FAT3: variants seen among roughly 807,000 people sequenced by gnomAD.
FAT3 encodes the protein FAT atypical cadherin 3.
FAT3 carries 95 observed loss-of-function variants against 310.2 expected under a neutral mutation model. The observed-to-expected ratio is 0.31, with a 90% CI of 0.26 to 0.36. FAT3 has a LOEUF of 0.36. Ranked by LOEUF, FAT3 falls within the 10% of genes least tolerant of loss-of-function variation. The pLI, the probability that FAT3 is intolerant of heterozygous loss-of-function variation, is 1.00. For synonymous variants in FAT3, 2,314 were observed against 2,192.9 expected, an observed-to-expected ratio of 1.06 and a Z score of -1.54; for missense variants, 5,408 against 5,715.6, an observed-to-expected ratio of 0.95 and a Z score of 1.74.
Position 92,528,711 on chromosome 11 carries a change from TGGCCCTCATTGGTCATCCA to T in FAT3, c.3607+3767_3607+3785del, listed in dbSNP as rs1953964926. ...CCAGTTCTTTTGAGGGAGTCCAGGGTGGCCCTCATTGGTCATCCAGGCTGAAGTGGGGAGCAGGGGTGGA... is the reference window on the plus strand; with the variant it reads ...CCAGTTCTTTTGAGGGAGTCCAGGGTGGCTGAAGTGGGGAGCAGGGGTGGA... On this transcript the variant is annotated intron_variant, in intron 3 of 27. Transcript: ENST00000525166. Among the ~76,000 whole-genome samples the T allele has an allele frequency of 2.0e-5, 3 of 152,224 alleles. No homozygotes were observed. The South Asian group carries it at 6.2e-4, about 32-fold the overall frequency.
At chr11:92,266,682 C>T (rs1198650824) in intron 1 of FAT3, among the ~76,000 whole-genome samples, 2 of 152,146 alleles carry the variant, frequency 1.3e-5, no homozygotes, top group African/African-American at 2.4e-5. Flanking sequence ...GTAGCAAGCT[C>T]TCTGCTCAGG....
chr11:92,613,224 G>A (rs1399592884), intron 3 of FAT3, among the ~76,000 whole-genome samples: 1 of 152,058 alleles, frequency 6.6e-6, no homozygotes, highest in Non-Finnish European at 1.5e-5. Flanking sequence ...AGAAGACTTT[G>A]GAACTCACCA....
chr11:92,505,932 G>A (rs1208223697), intron 2 of FAT3, among the ~76,000 whole-genome samples: 3 of 152,048 alleles, frequency 2.0e-5, no homozygotes, highest in African/African-American at 7.2e-5. Context: ...TGCCCTGGGG[G>A]ATATTACAGT....
chr11:92,469,489 T>C (rs1299680795), intron 2 of FAT3, among the ~76,000 whole-genome samples: 1 of 152,096 alleles, frequency 6.6e-6, no homozygotes, highest in East Asian at 1.9e-4. Context: ...ATCCTTCTTT[T>C]AAAGCTTATT....
chr11:92,402,608 C>T (rs914111019), intron 2 of FAT3, among the ~76,000 whole-genome samples: 2 of 151,350 alleles, frequency 1.3e-5, no homozygotes, highest in Non-Finnish European at 2.9e-5. Flanking sequence ...TGATGCGTGC[C>T]TGTAGTCCCA....
At position 92,801,587 on chromosome 11, in the gene FAT3, G is replaced by A; in HGVS notation, c.8574G>A (p.Gln2858=). 1.2e-6 allele frequency: 2 copies of A among 1,610,936 alleles called. No homozygotes were observed. Among genetic ancestry groups the A allele is most frequent in the Non-Finnish European group, 1.7e-6 (2 of 1,178,424 alleles). Residue 2858 remains glutamine, a synonymous_variant, in exon 10 of 28, where the codon CAG becomes CAA. Coordinates refer to ENST00000525166, the MANE Select transcript of FAT3 (RefSeq NM_001367949.2). ...QVTYSLHSDS[Q]PEKVMEAFNI... The stretch of plus-strand genomic sequence containing the variant: ...CTTACTCCCTCCACTCGGATTCCCA[G>A]CCCGAAAAGGTAATGGAAGCATTCA...
chr11:92,560,447 AG>A (rs751552299), intron 3 of FAT3, among the ~76,000 whole-genome samples: 51 of 151,370 alleles, frequency 3.4e-4, no homozygotes, highest in Middle Eastern at 3.4e-3. Flanking sequence ...AATAAAGTCT[AG>A]GTTTTTTTTT....
intron 3 of FAT3, among the ~76,000 whole-genome samples, chr11:92,607,925 C>T (rs1940380210): frequency 6.6e-6 from 1 of 152,106 alleles, no homozygotes; most frequent in African/African-American, 2.4e-5. Flanking sequence ...AGACTTTGAG[C>T]TGGCATCTAT....
intron 22 of FAT3, among the ~76,000 whole-genome samples, chr11:92,878,365 A>G (rs752578575): frequency 5.3e-5 from 8 of 152,118 alleles, no homozygotes; most frequent in Non-Finnish European, 1.2e-4. Context: ...AGCTAAAAAT[A>G]GAAATAAATA....
Position 92,835,021 on chromosome 11 carries a change from C to A in FAT3, c.10023C>A (p.Phe3341Leu). ...LTDVNDNPPK[F>L]SQDVYSAVIS... ...ATGTTAATGACAACCCTCCCAAGTT[C>A]AGCCAAGACGTCTACAGTGCGGTTA... is the stretch of plus-strand genomic sequence containing the variant. The change falls in exon 15 of 28, where the codon TTC (phenylalanine) becomes TTA (leucine). Residue 3341 changes from phenylalanine (F) to leucine (L), a missense_variant. Physicochemically the swap from Phe to Leu is conservative, Grantham distance 22. Around this residue, in one of 5 missense-constraint regions of FAT3, gnomAD observed 4,588 missense variants for 4,809.8 expected, o/e 0.95. Transcript: ENST00000525166. 6.2e-7 allele frequency: 1 copy of A among 1,613,742 alleles called. No individual in the cohort carries two copies. Among genetic ancestry groups the A allele is most frequent in the Non-Finnish European group, 8.5e-7 (1 of 1,179,792 alleles).
intron 3 of FAT3, among the ~76,000 whole-genome samples, chr11:92,696,076 G>C (rs1281541941): frequency 6.6e-6 from 1 of 151,728 alleles, no homozygotes; most frequent in East Asian, 1.9e-4. Context: ...ATTTCACATG[G>C]TATGCTTGAA....
At chr11:92,618,631 A>G (rs1032136568) in intron 3 of FAT3, among the ~76,000 whole-genome samples, 1 of 152,082 alleles carries the variant, frequency 6.6e-6, no homozygotes, top group African/African-American at 2.4e-5. Flanking sequence ...GGCTCTTTAA[A>G]TTTTATTTTT....
At chr11:92,426,150 T>A (rs1434292824) in intron 2 of FAT3, among the ~76,000 whole-genome samples, 1 of 152,228 alleles carries the variant, frequency 6.6e-6, no homozygotes, top group Non-Finnish European at 1.5e-5. Flanking sequence ...ATGACCTTTT[T>A]TTCATATGTT....
chr11:92,637,755 T>G (rs1340795151), intron 3 of FAT3, among the ~76,000 whole-genome samples: 2 of 152,220 alleles, frequency 1.3e-5, no homozygotes, highest in Non-Finnish European at 2.9e-5. Context: ...TGTCTTTCCT[T>G]GCTGAGCTTT....
chr11:92,786,681 G>A (rs1326170889), intron 7 of FAT3, among the ~76,000 whole-genome samples: 1 of 152,074 alleles, frequency 6.6e-6, no homozygotes, highest in African/African-American at 2.4e-5. Flanking sequence ...CCTTTGAGTA[G>A]GGGAAATATG....
At chr11:92,493,012 T>G (rs1393922554) in intron 2 of FAT3, among the ~76,000 whole-genome samples, 1 of 152,048 alleles carries the variant, frequency 6.6e-6, no homozygotes, top group African/African-American at 2.4e-5. Flanking sequence ...TTTACAGAGA[T>G]TCTTCTCTCC....
chr11:92,419,297 T>C (rs1412872194), intron 2 of FAT3, among the ~76,000 whole-genome samples: 2 of 152,336 alleles, frequency 1.3e-5, no homozygotes, highest in East Asian at 3.9e-4. Context: ...TATGCTCCTA[T>C]TTTCATCTTT....
chr11:92,320,884 G>A (rs1947599065), intron 1 of FAT3, among the ~76,000 whole-genome samples: 1 of 151,544 alleles, frequency 6.6e-6, no homozygotes, highest in Admixed American at 6.6e-5. Flanking sequence ...AAAAAAAGGG[G>A]GGGGTACTTA....
chr11:92,313,709 G>A (rs1381385294), intron 1 of FAT3, among the ~76,000 whole-genome samples: 1 of 152,078 alleles, frequency 6.6e-6, no homozygotes, highest in Non-Finnish European at 1.5e-5. Flanking sequence ...ACAGGCATGC[G>A]CCAACATGCC....
Sources: gnomAD v4.1 joint callset for allele counts (sites outside exome capture counted in the v4.1 genomes callset) on GRCh38, gnomAD v4.1.1 for gene constraint, gnomAD v4.1.1 regional missense constraint, MANE v1.5 for transcripts, NCBI Gene and HGNC (gene_info 2026-07-23, HGNC 2026-07-21) for gene names.